The following AVEN variants were observed in gnomAD, a reference collection of about 807,000 sequenced individuals.
AVEN encodes the protein cell death regulator Aven.
A neutral mutation model predicts 38.1 loss-of-function variants in AVEN; 41 were observed. The ratio of observed to expected loss-of-function variants is 1.08; its 90% confidence interval spans 0.84 to 1.40. AVEN has a LOEUF of 1.40. Among genes scored for constraint, AVEN ranks in the 40% most tolerant of loss-of-function variants. The pLI, the probability that AVEN is intolerant of heterozygous loss-of-function variation, is 0.00. For missense variants in AVEN, 605 were observed against 438.8 expected, an observed-to-expected ratio of 1.38 and a Z score of -3.38; for synonymous variants, 206 against 171.8, an observed-to-expected ratio of 1.20 and a Z score of -1.56.
At chr15:33,877,982 G>C (rs1891319018) in intron 2 of AVEN, among the ~76,000 whole-genome samples, 1 of 151,770 alleles carries the variant, frequency 6.6e-6, no homozygotes, top group African/African-American at 2.4e-5. Flanking sequence ...AAAACAAAAT[G>C]GAAGAAAATA....
chr15:33,863,205 T>C (rs116954048), downstream of AVEN, among the ~76,000 whole-genome samples: 4,933 of 152,230 alleles, frequency 0.032, 158 homozygotes, highest in Non-Finnish European at 0.039. Flanking sequence ...GCCTCCCACC[T>C]AAAATGGTGC....
At chr15:33,888,361 C>A (rs1891790877) in intron 2 of AVEN, among the ~76,000 whole-genome samples, 1 of 151,944 alleles carries the variant, frequency 6.6e-6, no homozygotes, top group African/African-American at 2.4e-5. Context: ...GGGGCAGAGT[C>A]AGTGAGGCTT....
chr15:34,072,008 G>A (rs1900636173), intron 1 of AVEN, among the ~76,000 whole-genome samples: 2 of 152,172 alleles, frequency 1.3e-5, no homozygotes, highest in Non-Finnish European at 2.9e-5. Context: ...ACTCATGCCT[G>A]TAATTCCAGC....
chr15:33,901,150 A>G (rs591960), intron 2 of AVEN, among the ~76,000 whole-genome samples: 72,941 of 151,934 alleles, frequency 0.48, 18,994 homozygotes, highest in African/African-American at 0.68. Flanking sequence ...GCCTGTAGTC[A>G]CAGCTACTTG....
chr15:33,864,049 A>C (rs1303039526), downstream of AVEN: 18 of 927,786 alleles, frequency 1.9e-5, no homozygotes, highest in East Asian at 4.3e-4. Context: ...GGGACCAACT[A>C]GCCTTTCTGA....
chr15:33,896,749 T>C (rs1892249741), intron 2 of AVEN, among the ~76,000 whole-genome samples: 1 of 152,170 alleles, frequency 6.6e-6, no homozygotes, highest in Non-Finnish European at 1.5e-5. Flanking sequence ...TAAACATCAG[T>C]TCCTCTAGGA....
chr15:34,062,409 G>T (rs548774546), intron 5 of AVEN, among the ~76,000 whole-genome samples: 154 of 152,116 alleles, frequency 1.0e-3, no homozygotes, highest in African/African-American at 3.5e-3. Context: ...CAAAAAAATA[G>T]CTGGGCGTGG....
At chr15:33,877,525 C>T (rs1891292609) in intron 2 of AVEN, among the ~76,000 whole-genome samples, 1 of 152,174 alleles carries the variant, frequency 6.6e-6, no homozygotes, top group South Asian at 2.1e-4. Context: ...AGTGAGAAAA[C>T]AAAAGGGGGC....
intron 5 of AVEN, among the ~76,000 whole-genome samples, chr15:34,049,058 A>C (rs1437873336): frequency 6.6e-6 from 1 of 152,178 alleles, no homozygotes. Context: ...AAGGTCAGCA[A>C]CCTCAAAGCT....
Position 34,009,157 on chromosome 15 carries a change from A to C in AVEN, c.268-5948T>G, listed in dbSNP as rs190703816. On this transcript the variant is annotated intron_variant, in intron 1 of 5. Coordinates refer to ENST00000306730, the MANE Select transcript of AVEN (RefSeq NM_020371.3). Reference sequence around the variant, plus strand: ...ACTGTCAGCCAAGAATCCTACATACAAAAAAGCTATCTTTCAAAAGTGAGG... The same window carrying C: ...ACTGTCAGCCAAGAATCCTACATACCAAAAAGCTATCTTTCAAAAGTGAGG... Among the ~76,000 whole-genome samples, 26 of 152,286 alleles carry C rather than the reference A, an allele frequency of 1.7e-4. No homozygotes were observed. The East Asian group carries it at 4.6e-3, about 27-fold the overall frequency.
chr15:33,855,479 C>T (rs1463233320), downstream of AVEN, among the ~76,000 whole-genome samples: 29 of 152,232 alleles, frequency 1.9e-4, no homozygotes. Flanking sequence ...GCTGGGATTA[C>T]AGGTGTGAGC....
chr15:33,961,737 C>G (rs915810141), intron 2 of AVEN, among the ~76,000 whole-genome samples: 1 of 142,356 alleles, frequency 7.0e-6, no homozygotes, highest in African/African-American at 2.6e-5. Flanking sequence ...GGCGTGAACC[C>G]GGGAGGCGGA....
At chr15:34,059,024 G>A (rs1900250196) in intron 5 of AVEN, among the ~76,000 whole-genome samples, 1 of 152,114 alleles carries the variant, frequency 6.6e-6, no homozygotes, top group Admixed American at 6.5e-5. Flanking sequence ...AACCTCCCAA[G>A]TAGCTAAGAT....
In AVEN at chr15:33,948,115, T is replaced by G. The variant is rs933161209; in HGVS notation, c.445+54917A>C. On this transcript the variant is annotated intron_variant, in intron 2 of 5. Transcript: ENST00000306730. ...ATTTTTCTTTTCTTTTTTTTTTTTT[T>G]GAGATGGAGTCTCGCTCTGTCTCCC... Among the ~76,000 whole-genome samples, 123 of 150,590 alleles carry G rather than the reference T, an allele frequency of 8.2e-4. 1 individual carries two copies. Among genetic ancestry groups the G allele is most frequent in the African/African-American group, 2.8e-3 (112 of 40,638 alleles).
At chr15:34,004,744 A>G (rs2140634834) in intron 1 of AVEN, among the ~76,000 whole-genome samples, 1 of 152,294 alleles carries the variant, frequency 6.6e-6, no homozygotes, top group South Asian at 2.1e-4. Flanking sequence ...TAATTGCTGA[A>G]GCTGGATGAT....
chr15:33,953,643 A>G (rs1168408155), intron 2 of AVEN, among the ~76,000 whole-genome samples: 1 of 152,220 alleles, frequency 6.6e-6, no homozygotes, highest in Non-Finnish European at 1.5e-5. Flanking sequence ...TTATTTCAAG[A>G]TGGATTAAAG....
intron 2 of AVEN, among the ~76,000 whole-genome samples, chr15:33,944,261 TGAA>T (rs1436734634): frequency 6.6e-6 from 1 of 152,114 alleles, no homozygotes; most frequent in Non-Finnish European, 1.5e-5. Flanking sequence ...CTGTGGTAAC[TGAA>T]GAAGAATATA....
intron 2 of AVEN, among the ~76,000 whole-genome samples, chr15:33,976,913 G>A (rs1043407459): frequency 4.4e-4 from 67 of 152,134 alleles, no homozygotes; most frequent in Non-Finnish European, 2.2e-4. Flanking sequence ...CTGTGGTATA[G>A]TGACATCCTG....
chr15:33,881,977 C>CT (rs1891504633), intron 2 of AVEN, among the ~76,000 whole-genome samples: 1 of 152,186 alleles, frequency 6.6e-6, no homozygotes. Context: ...GATTCAACAG[C>CT]TGTGTGTCCT....
Sources: allele counts gnomAD v4.1 joint callset (sites outside exome capture counted in the v4.1 genomes callset), GRCh38; gene constraint gnomAD v4.1.1; transcripts MANE v1.5; gene names NCBI Gene and HGNC (gene_info 2026-07-23, HGNC 2026-07-21).